Variants in DGKI observed in about 807,000 individuals in gnomAD.
DGKI encodes the protein DAG kinase iota.
A neutral mutation model predicts 147.5 loss-of-function variants in DGKI; 55 were observed. The ratio of observed to expected loss-of-function variants is 0.37; its 90% confidence interval spans 0.30 to 0.47. DGKI has a LOEUF of 0.47. DGKI is among the 20% of genes least tolerant of loss of function. The pLI is 1.00. For missense variants in DGKI, 1,007 were observed against 1,323.8 expected, an observed-to-expected ratio of 0.76 and a Z score of 3.71; for synonymous variants, 469 against 477.1, an observed-to-expected ratio of 0.98 and a Z score of 0.22.
At chr7:137,442,335 T>G (rs1813542799) in intron 28 of DGKI, among the ~76,000 whole-genome samples, 1 of 152,214 alleles carries the variant, frequency 6.6e-6, no homozygotes, top group South Asian at 2.1e-4. Flanking sequence ...ATATGCCCCC[T>G]ATTATTTCAT....
intron 12 of DGKI, among the ~76,000 whole-genome samples, chr7:137,595,294 T>A (rs946277164): frequency 1.3e-5 from 2 of 152,206 alleles, no homozygotes; most frequent in African/African-American, 4.8e-5. Context: ...TGTAATCGGA[T>A]CTGGCCATTA....
At position 137,628,259 on chromosome 7, in the gene DGKI, A is replaced by G. The variant is rs932323468; in HGVS notation, c.805-4705T>C. 3.9e-5 allele frequency among the ~76,000 whole-genome samples: 6 copies of G among 152,310 alleles called. No individual in the cohort carries two copies. The East Asian group carries it at 7.7e-4, about 20-fold the overall frequency. On this transcript the variant is annotated intron_variant, in intron 6 of 32. Transcript: ENST00000614521. ...GCCAGACCGATACTAGAAACAAACA[A>G]TAAGGCCAATCACAATTGGGGCACT... is the stretch of plus-strand genomic sequence containing the variant.
intron 1 of DGKI, among the ~76,000 whole-genome samples, chr7:137,701,307 T>C (rs897213429): frequency 2.0e-5 from 3 of 152,206 alleles, no homozygotes; most frequent in Non-Finnish European, 4.4e-5. Context: ...CCCTCACCAC[T>C]TTTATTCAAC....
At chr7:137,812,238 T>C (rs1797613603) in intron 1 of DGKI, among the ~76,000 whole-genome samples, 1 of 152,202 alleles carries the variant, frequency 6.6e-6, no homozygotes, top group Non-Finnish European at 1.5e-5. Context: ...TGCAGTTTCC[T>C]CAACTAAAAA....
chr7:137,745,637 C>A (rs375345096), intron 1 of DGKI, among the ~76,000 whole-genome samples: 21 of 152,120 alleles, frequency 1.4e-4, no homozygotes, highest in East Asian at 9.6e-4. Context: ...TATCCCAGTG[C>A]TTGTGTTCAA....
chr7:137,529,056 C>G (rs1452654417), intron 20 of DGKI, among the ~76,000 whole-genome samples: 1 of 152,122 alleles, frequency 6.6e-6, no homozygotes, highest in Non-Finnish European at 1.5e-5. Context: ...CTATAAGCAT[C>G]AAATGTCAAT....
At chr7:137,423,896 T>A (rs954921013) in intron 28 of DGKI, among the ~76,000 whole-genome samples, 2 of 152,246 alleles carry the variant, frequency 1.3e-5, no homozygotes, top group African/African-American at 4.8e-5. Context: ...TACTTTAAGT[T>A]CTGGGATACA....
intron 28 of DGKI, among the ~76,000 whole-genome samples, chr7:137,432,958 C>T (rs932274525): frequency 2.0e-5 from 3 of 152,162 alleles, no homozygotes; most frequent in Non-Finnish European, 4.4e-5. Flanking sequence ...CAGCAATGAA[C>T]TTCTGGAAAG....
At chr7:137,755,549 T>C (rs1003394963) in intron 1 of DGKI, among the ~76,000 whole-genome samples, 1 of 152,218 alleles carries the variant, frequency 6.6e-6, no homozygotes, top group African/African-American at 2.4e-5. Flanking sequence ...CTGAATGCTC[T>C]TAAGTCTCTT....
intron 21 of DGKI, 48 bp downstream of exon 21, chr7:137,521,818 C>G: frequency 8.1e-6 from 11 of 1,363,834 alleles, no homozygotes; most frequent in Non-Finnish European, 1.0e-5. Context: ...GATCAAGAAG[C>G]TGAAGATAGG....
intron 1 of DGKI, among the ~76,000 whole-genome samples, chr7:137,702,226 C>T (rs140957368): frequency 6.6e-6 from 1 of 152,088 alleles, no homozygotes; most frequent in African/African-American, 2.4e-5. Flanking sequence ...ACTGAATGAC[C>T]TTGGAGTTGG....
chr7:137,743,989 G>GAAA (rs59924694), intron 1 of DGKI, among the ~76,000 whole-genome samples: 3,575 of 124,992 alleles, frequency 0.029, 68 homozygotes, highest in Non-Finnish European at 0.041. Context: ...TCTCAAAAAA[G>GAAA]AAAAAAAAAA....
intron 28 of DGKI, among the ~76,000 whole-genome samples, chr7:137,414,241 T>G (rs1408556112): frequency 6.6e-6 from 1 of 152,080 alleles, no homozygotes; most frequent in Admixed American, 6.5e-5. Flanking sequence ...TGCCTTCCCT[T>G]TGACCAACGC....
chr7:137,632,278 T>A (rs1585307433), intron 6 of DGKI, among the ~76,000 whole-genome samples: 1 of 152,312 alleles, frequency 6.6e-6, no homozygotes, highest in African/African-American at 2.4e-5. Flanking sequence ...AAAGTCATAA[T>A]CTTTTGCTCT....
In DGKI at chr7:137,788,949, T is replaced by C. The variant is rs1796762351; in HGVS notation, c.401+57513A>G. On this transcript the variant is annotated intron_variant, in intron 1 of 32. Coordinates refer to ENST00000614521, the MANE Select transcript of DGKI (RefSeq NM_001321708.2). ...TCTTTTTTGTCTTCTTATGCAAGTA[T>C]GATTCTTGATACAAAGCAAATTGCT... 3.3e-5 allele frequency among the ~76,000 whole-genome samples: 5 copies of C among 152,362 alleles called. No homozygotes were observed. In the South Asian group the frequency reaches 1.0e-3, roughly 32 times the overall value.
chr7:137,763,317 C>T (rs1197755253), intron 1 of DGKI, among the ~76,000 whole-genome samples: 2 of 152,234 alleles, frequency 1.3e-5, no homozygotes, highest in South Asian at 2.1e-4. Flanking sequence ...CAGGAAGCTA[C>T]GGGTGTGAAC....
At chr7:137,396,906 G>A (rs187939160) in intron 31 of DGKI, among the ~76,000 whole-genome samples, 3 of 152,342 alleles carry the variant, frequency 2.0e-5, no homozygotes, top group East Asian at 3.9e-4. Context: ...AAAATAGAGT[G>A]ACTATGTTCT....
At position 137,387,587 on chromosome 7, in the gene DGKI, T is replaced by C. The variant is rs933276571; in HGVS notation, c.*3633A>G. On this transcript the variant is annotated 3_prime_UTR_variant, in exon 33 of 33. Coordinates refer to ENST00000614521, the MANE Select transcript of DGKI (RefSeq NM_001321708.2). ...ATATGTGTGTAAATGTATATGCGTA[T>C]ATACATACATACTTGTGCATGAACG... 1.3e-5 allele frequency: 2 copies of C among 152,184 alleles called. No homozygotes were observed. Among genetic ancestry groups the C allele is most frequent in the Non-Finnish European group, 2.9e-5 (2 of 68,026 alleles). The allele number at this position is 152,184 out of a possible 1,614,324, so 9.4% of individuals were successfully genotyped here.
intron 10 of DGKI, among the ~76,000 whole-genome samples, chr7:137,606,448 T>C (rs1363584085): frequency 6.6e-6 from 1 of 152,204 alleles, no homozygotes; most frequent in Non-Finnish European, 1.5e-5. Flanking sequence ...AAAAAGTATC[T>C]ATTTTTCTAT....
Sources: allele counts gnomAD v4.1 joint callset (sites outside exome capture counted in the v4.1 genomes callset), GRCh38; gene constraint gnomAD v4.1.1; transcripts MANE v1.5; gene names NCBI Gene and HGNC (gene_info 2026-07-23, HGNC 2026-07-21).